The following CCDC18 variants were observed in gnomAD, a reference collection of about 807,000 sequenced individuals.
CCDC18 encodes the protein coiled-coil domain containing 18.
A neutral mutation model predicts 196.0 loss-of-function variants in CCDC18; 157 were observed. The ratio of observed to expected loss-of-function variants is 0.80; its 90% CI spans 0.70 to 0.91. CCDC18 has a LOEUF of 0.91. Ranked by LOEUF, CCDC18 falls within the 40% of genes least tolerant of loss-of-function variation. CCDC18 has a pLI of 0.00. For synonymous variants in CCDC18, 482 were observed against 529.2 expected (o/e 0.91, Z 1.22); for missense variants, 1,465 against 1,611.6 (o/e 0.91, Z 1.56).
chr1:93,239,236 CT>C (rs5776176), intron 19 of CCDC18, 73 bp from the exon 20 acceptor site: 421,760 of 1,125,068 alleles, frequency 0.37, 85,004 homozygotes, highest in African/African-American at 0.8. Context: ...AACTTGCAGG[CT>C]TTTTTTTTAG....
chr1:93,261,461 T>C (rs1240967635), intron 26 of CCDC18, among the ~76,000 whole-genome samples: 1 of 152,184 alleles, frequency 6.6e-6, no homozygotes, highest in Non-Finnish European at 1.5e-5. Context: ...AGGAATGCTA[T>C]AGTAATTACA....
intron 7 of CCDC18, among the ~76,000 whole-genome samples, chr1:93,202,636 A>G (rs1654022021): frequency 6.6e-6 from 1 of 152,192 alleles, no homozygotes; most frequent in South Asian, 2.1e-4. Context: ...CAAGAAAGGT[A>G]GAAAGGCAGA....
At chr1:93,253,935 C>A (rs532423148) in intron 23 of CCDC18, among the ~76,000 whole-genome samples, 1 of 152,278 alleles carries the variant, frequency 6.6e-6, no homozygotes, top group East Asian at 1.9e-4. Context: ...GAGGCTCCTG[C>A]AAAGAGGCTT....
At chr1:93,216,830 T>G in intron 13 of CCDC18, 84 bp downstream of exon 13, 1 of 648,682 alleles carries the variant, frequency 1.5e-6, no homozygotes, top group Non-Finnish European at 2.7e-6. Flanking sequence ...AGCATCATTA[T>G]TATAAAATAT....
intron 27 of CCDC18, among the ~76,000 whole-genome samples, 191 bp from the exon 28 acceptor site, chr1:93,270,156 G>T (rs1344061641): frequency 6.6e-6 from 1 of 152,120 alleles, no homozygotes; most frequent in Non-Finnish European, 1.5e-5. Flanking sequence ...AAAGGAATAT[G>T]TGTAATTTTC....
chr1:93,188,357 T>C (rs1280893890), intron 4 of CCDC18, among the ~76,000 whole-genome samples: 2 of 152,242 alleles, frequency 1.3e-5, no homozygotes, highest in Admixed American at 6.5e-5. Flanking sequence ...GTCCAACTGC[T>C]ACCCTGGGAC....
chr1:93,220,529 C>A (rs1020867949), intron 14 of CCDC18, among the ~76,000 whole-genome samples: 1 of 152,118 alleles, frequency 6.6e-6, no homozygotes, highest in African/African-American at 2.4e-5. Flanking sequence ...ATAACATTTA[C>A]TGATGAGGTA....
chr1:93,217,194 A>G (rs944485322), intron 13 of CCDC18, among the ~76,000 whole-genome samples: 4 of 152,070 alleles, frequency 2.6e-5, no homozygotes, highest in African/African-American at 7.2e-5. Context: ...TCAGCCTTCC[A>G]AAGTGTTGGG....
intron 9 of CCDC18, among the ~76,000 whole-genome samples, chr1:93,209,984 C>A (rs1401455601): frequency 6.6e-6 from 1 of 152,024 alleles, no homozygotes; most frequent in African/African-American, 2.4e-5. Flanking sequence ...TTGCTTGAGT[C>A]CAAGAGTTCG....
At chr1:93,185,231 T>G (rs183793531) in intron 3 of CCDC18, among the ~76,000 whole-genome samples, 93 of 152,100 alleles carry the variant, frequency 6.1e-4, no homozygotes, top group Middle Eastern at 3.4e-3. Flanking sequence ...GAGGTGTTAT[T>G]TTATTGGTGA....
chr1:93,244,491 T>C (rs982414063), intron 21 of CCDC18, among the ~76,000 whole-genome samples: 1 of 152,224 alleles, frequency 6.6e-6, no homozygotes, highest in African/African-American at 2.4e-5. Context: ...ATTCCATTTA[T>C]ATGAAATATT....
chr1:93,187,089 A>T (rs959118284), intron 4 of CCDC18, among the ~76,000 whole-genome samples: 7 of 151,896 alleles, frequency 4.6e-5, no homozygotes, highest in Admixed American at 3.9e-4. Context: ...GTGGTTTCCT[A>T]TTTTTTTACT....
At chr1:93,211,136 A>G (rs901331908) in intron 10 of CCDC18, among the ~76,000 whole-genome samples, 6 of 151,880 alleles carry the variant, frequency 4.0e-5, no homozygotes, top group Non-Finnish European at 8.8e-5. Flanking sequence ...TTAGCCAGGC[A>G]TGGTGGTGGC....
intron 26 of CCDC18, among the ~76,000 whole-genome samples, chr1:93,259,770 A>G (rs140923753): frequency 6.6e-6 from 1 of 152,372 alleles, no homozygotes; most frequent in East Asian, 1.9e-4. Context: ...TGGACTCAGC[A>G]TAATTATATA....
chr1:93,257,012 A>G (rs1663047607), intron 25 of CCDC18, among the ~76,000 whole-genome samples: 2 of 151,982 alleles, frequency 1.3e-5, no homozygotes, highest in African/African-American at 4.8e-5. Flanking sequence ...CGGATAAGTA[A>G]GTCAGGAGTT....
chr1:93,211,588 T>C (rs1655658931), intron 10 of CCDC18, among the ~76,000 whole-genome samples: 1 of 152,198 alleles, frequency 6.6e-6, no homozygotes, highest in Non-Finnish European at 1.5e-5. Flanking sequence ...CACAAATATG[T>C]ACCGTATACT....
chr1:93,224,089 T>C (rs1245515196), intron 16 of CCDC18, among the ~76,000 whole-genome samples: 1 of 152,206 alleles, frequency 6.6e-6, no homozygotes, highest in African/African-American at 2.4e-5. Context: ...TTATTTCTAA[T>C]TTATTTTTTA....
At chr1:93,180,011 A>G (rs1268427779), upstream of CCDC18, 1 of 1,582,764 alleles carries the variant, frequency 6.3e-7, no homozygotes, top group African/African-American at 1.4e-5. Flanking sequence ...AACGCAGTGC[A>G]GCTGGGTTAA....
intron 11 of CCDC18, 113 bp from the exon 12 acceptor site, chr1:93,214,630 G>T (rs999704499): frequency 9.2e-5 from 61 of 664,686 alleles, no homozygotes; most frequent in Non-Finnish European, 1.3e-4. Context: ...GTCCCTTTTA[G>T]TACTCTTTAG....
Sources: allele counts gnomAD v4.1 joint callset (sites outside exome capture counted in the v4.1 genomes callset), GRCh38; gene constraint gnomAD v4.1.1; transcripts MANE v1.5; gene names NCBI Gene and HGNC (gene_info 2026-07-23, HGNC 2026-07-21).